CEP350: variants seen among roughly 807,000 people sequenced by gnomAD.
The protein encoded by CEP350 is centrosome-associated protein 350.
A neutral mutation model predicts 331.8 loss-of-function variants in CEP350; 126 were observed. That is an observed-to-expected ratio of 0.38 (90% CI 0.33 to 0.44). The LOEUF (loss-of-function observed/expected upper bound fraction) is 0.44, where lower values mean the gene tolerates loss of function less well. Ranked by LOEUF, CEP350 falls within the 20% of genes least tolerant of loss-of-function variation. The pLI is 1.00. For synonymous variants in CEP350, 1,200 were observed against 1,259.5 expected, an observed-to-expected ratio of 0.95 and a Z score of 1.00; for missense variants, 3,406 against 3,634.6, an observed-to-expected ratio of 0.94 and a Z score of 1.62.
intron 17 of CEP350, 97 bp downstream of exon 17, chr1:180,037,186 A>G: frequency 8.9e-7 from 1 of 1,125,242 alleles, no homozygotes; most frequent in Non-Finnish European, 1.2e-6. Context: ...TCAAATAGAA[A>G]AAAATAGTCT....
intron 14 of CEP350, among the ~76,000 whole-genome samples, chr1:180,029,873 A>G (rs1187956322): frequency 6.6e-6 from 1 of 152,052 alleles, no homozygotes; most frequent in Non-Finnish European, 1.5e-5. Flanking sequence ...CTTTCTCTCT[A>G]TGAATTTGCC....
intron 9 of CEP350, 56 bp downstream of exon 9, chr1:180,012,131 C>T: frequency 7.0e-7 from 1 of 1,431,640 alleles, no homozygotes; most frequent in Non-Finnish European, 9.4e-7. Context: ...CTATTAAGTA[C>T]TTAGAGAAGG....
chr1:180,034,769 G>T (rs574518925), intron 16 of CEP350, among the ~76,000 whole-genome samples: 1 of 152,150 alleles, frequency 6.6e-6, no homozygotes, highest in African/African-American at 2.4e-5. Context: ...AACTCACCCC[G>T]TTCCCCTCTT....
chr1:179,988,173 T>C (rs533588816), intron 3 of CEP350, among the ~76,000 whole-genome samples: 1 of 152,028 alleles, frequency 6.6e-6, no homozygotes, highest in East Asian at 1.9e-4. Context: ...GGCATGTGCC[T>C]GTGGTCCCAG....
chr1:180,078,919 T>C (rs1037756111), intron 29 of CEP350, among the ~76,000 whole-genome samples: 14 of 152,164 alleles, frequency 9.2e-5, no homozygotes, highest in Non-Finnish European at 1.5e-5. Context: ...ACTTCTAAAG[T>C]CTTTATGAAA....
At chr1:179,979,962 A>C (rs1362280690) in intron 1 of CEP350, among the ~76,000 whole-genome samples, 1 of 152,106 alleles carries the variant, frequency 6.6e-6, no homozygotes, top group African/African-American at 2.4e-5. Context: ...GAAATCTGGT[A>C]GTGTGATGCC....
At position 180,096,026 on chromosome 1, in the gene CEP350, T is replaced by C; in HGVS notation, c.8920-12T>C. 1 of 1,547,064 alleles carries C rather than the reference T, an allele frequency of 6.5e-7. No homozygotes were observed. Among genetic ancestry groups the C allele is most frequent in the East Asian group, 2.4e-5 (1 of 41,312 alleles). ...CATTTTGTTTTGTTTTGTTTTGTTT[T>C]TCTCTATCAAGGCGGTTTTTGATTT... On this transcript the variant is annotated splice_polypyrimidine_tract_variant and intron_variant, in intron 35 of 37. Coordinates refer to ENST00000367607, the MANE Select transcript of CEP350 (RefSeq NM_014810.5).
At chr1:179,968,210 A>C (rs1651163178) in intron 1 of CEP350, among the ~76,000 whole-genome samples, 1 of 152,080 alleles carries the variant, frequency 6.6e-6, no homozygotes, top group African/African-American at 2.4e-5. Context: ...ATGTGCCTGT[A>C]ATCCCAGCTA....
chr1:179,963,926 A>G (rs983507044), intron 1 of CEP350, among the ~76,000 whole-genome samples: 3 of 152,022 alleles, frequency 2.0e-5, no homozygotes, highest in Non-Finnish European at 4.4e-5. Flanking sequence ...TGGTCATTTA[A>G]ATTTTGATTC....
intron 31 of CEP350, among the ~76,000 whole-genome samples, chr1:180,086,756 C>T (rs980441561): frequency 2.6e-5 from 4 of 152,086 alleles, no homozygotes; most frequent in African/African-American, 9.7e-5. Flanking sequence ...GTTGACAATT[C>T]AGACGAAGGT....
chr1:179,978,902 CA>C (rs1433887809), intron 1 of CEP350, among the ~76,000 whole-genome samples: 1 of 152,046 alleles, frequency 6.6e-6, no homozygotes, highest in Non-Finnish European at 1.5e-5. Flanking sequence ...CTATTTTTGT[CA>C]TTAGATCTAA....
At chr1:180,030,155 T>C (rs1183543839) in intron 14 of CEP350, among the ~76,000 whole-genome samples, 2 of 150,614 alleles carry the variant, frequency 1.3e-5, no homozygotes, top group African/African-American at 4.9e-5. Flanking sequence ...ATTTCACTTT[T>C]GTATTTTCTT....
rs1427982148 is a variant in CEP350 at position 180,014,437 on chromosome 1, T to G, written c.1984T>G (p.Ser662Ala). The G allele has an allele frequency of 6.2e-7, 1 of 1,609,198 alleles. No individual in the cohort carries two copies. The highest frequency in any genetic ancestry group is 1.3e-5 in the African/African-American group (1 of 74,736). Residue 662 changes from serine to alanine, a missense_variant, in exon 10 of 38, where the codon TCC (serine) becomes GCC (alanine). Coordinates refer to ENST00000367607, the MANE Select transcript of CEP350 (RefSeq NM_014810.5). ...SATRRLQETYSKLLLEKTLLE... is the reference protein window; with the variant it reads ...SATRRLQETYAKLLLEKTLLE... ...AACTAGGCGACTACAGGAAACTTAC[T>G]CCAAATTGCTACTAGAAAAGACCTT...
At chr1:180,030,211 T>G (rs1040107845) in intron 14 of CEP350, among the ~76,000 whole-genome samples, 2 of 126,872 alleles carry the variant, frequency 1.6e-5, no homozygotes, top group African/African-American at 5.5e-5. Flanking sequence ...TTTAAATTTT[T>G]TGTATATATA....
intron 27 of CEP350, among the ~76,000 whole-genome samples, chr1:180,071,427 C>G (rs1658886017): frequency 6.9e-6 from 1 of 145,430 alleles, no homozygotes; most frequent in African/African-American, 2.6e-5. Context: ...CCATTGCACT[C>G]TAGTCTGGGC....
At chr1:180,078,195 A>G (rs1334575197) in intron 28 of CEP350, among the ~76,000 whole-genome samples, 4 of 152,140 alleles carry the variant, frequency 2.6e-5, no homozygotes, top group Non-Finnish European at 5.9e-5. Context: ...CTAAAGAACC[A>G]CAAAATGCAG....
rs559206057 is a variant in CEP350 at position 180,020,797 on chromosome 1, T to C, written c.3023T>C (p.Val1008Ala). The change falls in exon 12 of 38, where the codon GTA (valine) becomes GCA (alanine). Residue 1008 changes from valine (V) to alanine (A), a missense_variant. Physicochemically the swap from Val to Ala is moderately conservative, Grantham distance 64. Transcript: ENST00000367607. ...CAGGATGGACAGCCCCTTTTGAAAG[T>C]AGCAGAAATTTTAAAAGAAAAGGAA... The part of the protein sequence containing the change: ...GDQDGQPLLK[V>A]AEILKEKEFC... 131 of 1,613,324 alleles carry C rather than the reference T, an allele frequency of 8.1e-5. No homozygotes were observed. The highest frequency in any genetic ancestry group is 1.1e-4 in the Non-Finnish European group (127 of 1,179,764).
At chr1:180,052,843 CTATT>C (rs759770442) in intron 22 of CEP350, 123 bp from the exon 23 acceptor site, 107 of 429,844 alleles carry the variant, frequency 2.5e-4, no homozygotes, top group Non-Finnish European at 3.9e-4. Flanking sequence ...TATTTCATGT[CTATT>C]TATTAGTGAT....
Position 180,111,568 on chromosome 1 carries a change from AAGT to A in CEP350, c.*408_*410del, listed in dbSNP as rs1661468955. On this transcript the variant is annotated 3_prime_UTR_variant, in exon 38 of 38. Transcript: ENST00000367607. ...AATGTAATTCTGGTCTATACCATGG[AAGT>A]CATAAATGGACATTATAGTCTCTAA... 1 of 157,532 alleles carries A rather than the reference AAGT, an allele frequency of 6.3e-6. No homozygotes were observed. Among genetic ancestry groups the A allele is most frequent in the Admixed American group, 6.4e-5 (1 of 15,650 alleles). 9.8% of individuals were successfully genotyped at this position (157,532 alleles called of 1,614,324 possible).
Sources: allele counts gnomAD v4.1 joint callset (sites outside exome capture counted in the v4.1 genomes callset), GRCh38; gene constraint gnomAD v4.1.1; transcripts MANE v1.5; gene names NCBI Gene and HGNC (gene_info 2026-07-23, HGNC 2026-07-21).